The following GRK5 variants were observed in gnomAD, a reference collection of about 807,000 sequenced individuals.
GRK5 encodes G protein-coupled receptor kinase 5.
Under a neutral mutation model 78.4 loss-of-function variants are expected in GRK5, and 40 were observed. The observed-to-expected ratio is 0.51, with a 90% CI of 0.40 to 0.66. The LOEUF is 0.66. Ranked by LOEUF, GRK5 falls within the 30% of genes least tolerant of loss-of-function variation. GRK5 has a pLI of 0.00. For missense variants in GRK5, 598 were observed against 759.9 expected (o/e 0.79, Z 2.50); for synonymous variants, 289 against 296.8 (o/e 0.97, Z 0.27).
At chr10:119,322,825 A>G (rs1850609057) in intron 1 of GRK5, among the ~76,000 whole-genome samples, 1 of 152,258 alleles carries the variant, frequency 6.6e-6, no homozygotes, top group Non-Finnish European at 1.5e-5. Flanking sequence ...AAGAATGGAA[A>G]GCAGGGACTT....
chr10:119,456,739 G>C lies in GRK5; in HGVS notation c.*1672G>C, dbSNP rs778624624. On this transcript the variant is annotated 3_prime_UTR_variant, in exon 16 of 16. Coordinates refer to ENST00000392870, the MANE Select transcript of GRK5 (RefSeq NM_005308.3). The surrounding 1 kb of genome is among the most constrained non-coding windows in gnomAD (Gnocchi z 5.5). Reference sequence around the variant, plus strand: ...GCTGTGGGCTCTCAGCGGGGCTTTGGGGGTGATCATCCCAAACACATTTCT... The same window carrying C: ...GCTGTGGGCTCTCAGCGGGGCTTTGCGGGTGATCATCCCAAACACATTTCT... 6.6e-6 allele frequency: 1 copy of C among 152,222 alleles called. No homozygotes were observed. Among genetic ancestry groups the C allele is most frequent in the Non-Finnish European group, 1.5e-5 (1 of 68,050 alleles). 9.4% of individuals were successfully genotyped at this position (152,222 alleles called of 1,614,324 possible). A position where few individuals can be genotyped will look rare whatever the true frequency, so the allele number is the denominator to read the frequency against.
chr10:119,442,153 C>T (rs1809184633), intron 11 of GRK5, 65 bp downstream of exon 11: 5 of 1,306,190 alleles, frequency 3.8e-6, no homozygotes, highest in Non-Finnish European at 5.5e-6. Context: ...GCCGGCCGAG[C>T]CCCCAGAGCC....
At chr10:119,437,638 G>C (rs1437493099) in intron 9 of GRK5, among the ~76,000 whole-genome samples, 1 of 152,128 alleles carries the variant, frequency 6.6e-6, no homozygotes, top group African/African-American at 2.4e-5. Flanking sequence ...TTAGTGATGA[G>C]GAATTTTCTA....
intron 1 of GRK5, among the ~76,000 whole-genome samples, chr10:119,216,625 A>G (rs1180493996): frequency 6.6e-6 from 1 of 151,958 alleles, no homozygotes; most frequent in Non-Finnish European, 1.5e-5. Flanking sequence ...CGTGGGCAGC[A>G]TAGCAAGACC....
At chr10:119,446,282 G>T (rs1036346230) in intron 12 of GRK5, among the ~76,000 whole-genome samples, 2 of 152,238 alleles carry the variant, frequency 1.3e-5, no homozygotes, top group African/African-American at 4.8e-5. Context: ...ATATAGGCGG[G>T]TGTTCAACCT....
At position 119,452,590 on chromosome 10, in the gene GRK5, C is replaced by A; in HGVS notation, c.1405-81C>A. On this transcript the variant is annotated intron_variant, in intron 13 of 15. Coordinates refer to ENST00000392870, the MANE Select transcript of GRK5 (RefSeq NM_005308.3). The surrounding 1 kb of genome is among the most constrained non-coding windows in gnomAD (Gnocchi z 4.4). Reference sequence around the variant, plus strand: ...TGTCCTGGGAAGACTCCCTTCTGCTCCCCAAAACCCCAAGGCCTGGCTCGG... The same window carrying A: ...TGTCCTGGGAAGACTCCCTTCTGCTACCCAAAACCCCAAGGCCTGGCTCGG... The A allele has an allele frequency of 6.4e-7, 1 of 1,552,068 alleles. No homozygotes were observed. The highest frequency in any genetic ancestry group is 2.3e-5 in the East Asian group (1 of 44,338).
intron 1 of GRK5, among the ~76,000 whole-genome samples, chr10:119,291,498 T>A (rs951282757): frequency 6.9e-6 from 1 of 144,652 alleles, no homozygotes; most frequent in Non-Finnish European, 1.5e-5. Context: ...AGGAAGGAAC[T>A]GCTGCTGCTG....
intron 3 of GRK5, among the ~76,000 whole-genome samples, chr10:119,394,048 T>A (rs1484499488): frequency 3.4e-5 from 5 of 148,354 alleles, no homozygotes; most frequent in African/African-American, 1.3e-4. Flanking sequence ...TATCTGTGGG[T>A]GTGTGGTTGT....
chr10:119,404,411 A>G (rs1046049995), intron 4 of GRK5, among the ~76,000 whole-genome samples: 2 of 152,206 alleles, frequency 1.3e-5, no homozygotes, highest in Non-Finnish European at 2.9e-5. Flanking sequence ...TTCAGGATAC[A>G]AGGTCCTTAT....
chr10:119,433,652 C>T (rs1163138152), intron 8 of GRK5, among the ~76,000 whole-genome samples: 1 of 152,200 alleles, frequency 6.6e-6, no homozygotes, highest in African/African-American at 2.4e-5. Context: ...TGTTGATGCA[C>T]CAGTTTTACG....
intron 2 of GRK5, among the ~76,000 whole-genome samples, chr10:119,371,195 C>T (rs767047366): frequency 6.6e-6 from 1 of 152,206 alleles, no homozygotes; most frequent in Non-Finnish European, 1.5e-5. Flanking sequence ...CCTCCCCGCA[C>T]CCGGGCTGCA....
At chr10:119,371,874 G>A (rs1851553144) in intron 2 of GRK5, among the ~76,000 whole-genome samples, 1 of 152,228 alleles carries the variant, frequency 6.6e-6, no homozygotes, top group African/African-American at 2.4e-5. Flanking sequence ...GCTCACATGC[G>A]TTGTTGCCAA....
intron 3 of GRK5, among the ~76,000 whole-genome samples, chr10:119,384,991 A>T (rs933003176): frequency 2.6e-5 from 4 of 152,174 alleles, no homozygotes; most frequent in Non-Finnish European, 5.9e-5. Flanking sequence ...TGAAAAGGCG[A>T]CATTTGACTG....
rs939556732 is a variant in GRK5, at chr10:119,235,632, C to T, written c.52+27663C>T. The stretch of plus-strand genomic sequence containing the variant: ...TAACAAAAAGCATGAATCATTTGAA[C>T]GTGAAGGTACAGGGACATCTGTTTG... On this transcript the variant is annotated intron_variant, in intron 1 of 15. Transcript: ENST00000392870. Among the ~76,000 whole-genome samples, 9 of 152,186 alleles carry T rather than the reference C, an allele frequency of 5.9e-5. No homozygotes were observed. In the East Asian group the frequency reaches 9.6e-4, roughly 16 times the overall value.
At chr10:119,414,279 C>T (rs929275418) in intron 4 of GRK5, among the ~76,000 whole-genome samples, 5 of 152,224 alleles carry the variant, frequency 3.3e-5, no homozygotes, top group African/African-American at 4.8e-5. Context: ...TCTCCCGGGC[C>T]GACCTTTTGT....
chr10:119,225,942 G>A (rs1401648827), intron 1 of GRK5, among the ~76,000 whole-genome samples: 2 of 151,084 alleles, frequency 1.3e-5, no homozygotes, highest in Admixed American at 6.6e-5. Context: ...TCCGCCTCCC[G>A]GGTTCACGCC....
At chr10:119,270,941 A>G (rs1849573130) in intron 1 of GRK5, among the ~76,000 whole-genome samples, 4 of 152,222 alleles carry the variant, frequency 2.6e-5, no homozygotes, top group Admixed American at 2.6e-4. Flanking sequence ...GCGGAACACA[A>G]ATGTGGAATT....
At chr10:119,433,992 G>T (rs1300381577) in intron 8 of GRK5, among the ~76,000 whole-genome samples, 3 of 152,206 alleles carry the variant, frequency 2.0e-5, no homozygotes, top group Admixed American at 6.5e-5. Context: ...AATGTGAAAG[G>T]CACTTCTTAC....
At chr10:119,318,006 G>T (rs189274904) in intron 1 of GRK5, among the ~76,000 whole-genome samples, 2 of 152,142 alleles carry the variant, frequency 1.3e-5, no homozygotes, top group East Asian at 3.9e-4. Flanking sequence ...GGCCCAGGAA[G>T]CTGCATTTCT....
Sources: allele counts gnomAD v4.1 joint callset (sites outside exome capture counted in the v4.1 genomes callset), GRCh38; gene constraint gnomAD v4.1.1; non-coding constraint Gnocchi (gnomAD v3.1); transcripts MANE v1.5; gene names NCBI Gene and HGNC (gene_info 2026-07-23, HGNC 2026-07-21).